TENM2: variants seen among roughly 807,000 people sequenced by gnomAD.
The protein encoded by TENM2 is teneurin-2.
Under a neutral mutation model 245.2 loss-of-function variants are expected in TENM2, and 52 were observed. The observed-to-expected ratio is 0.21, with a 90% confidence interval of 0.17 to 0.27. The LOEUF is 0.27. Among genes scored for constraint, TENM2 ranks in the 10% least tolerant of loss-of-function variants. The probability of loss-of-function intolerance (pLI) is 1.00; values close to 1 mark genes in which losing one functional copy is unlikely to be tolerated. For missense variants in TENM2, 3,046 were observed against 3,666.8 expected (o/e 0.83, Z 4.37); for synonymous variants, 1,363 against 1,438.9 (o/e 0.95, Z 1.19).
intron 5 of TENM2, among the ~76,000 whole-genome samples, chr5:168,012,357 G>T (rs1469411306): frequency 6.6e-6 from 1 of 152,122 alleles, no homozygotes; most frequent in African/African-American, 2.4e-5. Flanking sequence ...AAAACTGAAG[G>T]TGAGGCCAGG....
At chr5:167,078,166 G>A in the TENM2 span, among the ~76,000 whole-genome samples, 10 of 152,016 alleles carry the variant, frequency 6.6e-5, no homozygotes, top group African/African-American at 2.4e-4. Context: ...CCATACTCAG[G>A]TCAATAGAAC....
At chr5:167,655,509 G>C (rs1008969459) in intron 2 of TENM2, among the ~76,000 whole-genome samples, 3 of 152,230 alleles carry the variant, frequency 2.0e-5, no homozygotes, top group East Asian at 1.9e-4. Flanking sequence ...AATCTGAAAG[G>C]CTTCAACTGT....
chr5:167,361,132 T>C (rs1389436806), intron 1 of TENM2, among the ~76,000 whole-genome samples: 1 of 152,168 alleles, frequency 6.6e-6, no homozygotes, highest in Non-Finnish European at 1.5e-5. Context: ...CATTATGATA[T>C]CACAAATAAT....
intron 3 of TENM2, among the ~76,000 whole-genome samples, chr5:167,928,188 C>T (rs1176295498): frequency 6.6e-6 from 1 of 152,130 alleles, no homozygotes; most frequent in Non-Finnish European, 1.5e-5. Flanking sequence ...CATTTCTTGT[C>T]TCTCCTATTG....
intron 8 of TENM2, among the ~76,000 whole-genome samples, chr5:168,097,540 T>C (rs548983071): frequency 6.6e-6 from 1 of 152,286 alleles, no homozygotes; most frequent in Non-Finnish European, 1.5e-5. Flanking sequence ...TTTTCCTGCC[T>C]CAGCCTCCCA....
At chr5:168,093,731 G>A (rs183900262) in intron 8 of TENM2, among the ~76,000 whole-genome samples, 113 of 152,248 alleles carry the variant, frequency 7.4e-4, no homozygotes, top group African/African-American at 2.3e-3. Flanking sequence ...TCTCACATCT[G>A]GAGGCCACTT....
chr5:167,963,135 C>T (rs915216976), intron 4 of TENM2, among the ~76,000 whole-genome samples: 3 of 152,114 alleles, frequency 2.0e-5, no homozygotes, highest in South Asian at 2.1e-4. Flanking sequence ...ATTTACTATC[C>T]GAGAAAGATC....
intron 1 of TENM2, among the ~76,000 whole-genome samples, chr5:167,353,458 G>T (rs553234985): frequency 6.7e-6 from 1 of 150,024 alleles, no homozygotes; most frequent in South Asian, 2.1e-4. Flanking sequence ...GTGACCACAT[G>T]ATGGCAGTGA....
At chr5:167,454,019 A>G (rs1488370732) in intron 2 of TENM2, among the ~76,000 whole-genome samples, 1 of 152,138 alleles carries the variant, frequency 6.6e-6, no homozygotes, top group Non-Finnish European at 1.5e-5. Flanking sequence ...CCCCCAGATT[A>G]TAGTTTATCA....
chr5:167,746,710 A>AGAGAGAGAGAGCGCGAGC (rs761614775), intron 2 of TENM2, among the ~76,000 whole-genome samples: 1 of 144,862 alleles, frequency 6.9e-6, no homozygotes, highest in Non-Finnish European at 1.5e-5. Context: ...AGAGAGAGAG[A>AGAGAGAGAGAGCGCGAGC]GAGAGCTGGA....
At chr5:167,693,836 T>C (rs1757588635) in intron 2 of TENM2, among the ~76,000 whole-genome samples, 1 of 152,184 alleles carries the variant, frequency 6.6e-6, no homozygotes, top group African/African-American at 2.4e-5. Context: ...CAAGATGTTG[T>C]AGTGCCACCA....
intron 2 of TENM2, among the ~76,000 whole-genome samples, chr5:167,441,721 A>G (rs1210962500): frequency 6.6e-6 from 1 of 152,196 alleles, no homozygotes; most frequent in Non-Finnish European, 1.5e-5. Flanking sequence ...TTTCATACGT[A>G]TGTTGATGAA....
rs10682735 is a variant in TENM2 at position 167,583,473 on chromosome 5, T to TACACACACACACACAC, written c.502+208023_502+208038dup. The stretch of plus-strand genomic sequence containing the variant: ...TGTGAAAAGGCATTATGAGTATATG[T>TACACACACACACACAC]ACACACACACACACACACACACACA... On this transcript the variant is annotated intron_variant, in intron 2 of 28. Coordinates refer to ENST00000518659, the Ensembl canonical transcript of TENM2. Among the ~76,000 whole-genome samples, 422 of 137,554 alleles carry TACACACACACACACAC rather than the reference T, an allele frequency of 3.1e-3. 4 individuals carry two copies. The highest frequency in any genetic ancestry group is 7.9e-3 in the East Asian group (36 of 4,560). 90.2% of individuals were successfully genotyped at this position (137,554 alleles called of 152,430 possible).
intron 2 of TENM2, among the ~76,000 whole-genome samples, chr5:167,511,137 AT>A (rs1769927765): frequency 6.6e-6 from 1 of 152,204 alleles, no homozygotes; most frequent in Non-Finnish European, 1.5e-5. Flanking sequence ...AAATTCAAAG[AT>A]AAATAAGAAT....
intron 1 of TENM2, among the ~76,000 whole-genome samples, chr5:167,317,171 C>T (rs1461932719): frequency 1.3e-5 from 2 of 152,306 alleles, no homozygotes; most frequent in East Asian, 1.9e-4. Flanking sequence ...TCTGCTTCCT[C>T]TCAGCAGTCA....
intron 3 of TENM2, among the ~76,000 whole-genome samples, chr5:167,886,698 TAA>T (rs1487173645): frequency 6.6e-6 from 1 of 152,218 alleles, no homozygotes; most frequent in Non-Finnish European, 1.5e-5. Context: ...TAGAACGATT[TAA>T]TTCTTTAAAC....
intron 2 of TENM2, among the ~76,000 whole-genome samples, chr5:167,459,903 TA>T (rs1350393097): frequency 1.4e-5 from 2 of 138,740 alleles, no homozygotes; most frequent in African/African-American, 2.7e-5. Flanking sequence ...TCCTTGTATA[TA>T]AAGATAAACA....
chr5:167,121,827 A>G, the TENM2 span, among the ~76,000 whole-genome samples: 1 of 152,238 alleles, frequency 6.6e-6, no homozygotes, highest in Non-Finnish European at 1.5e-5. Flanking sequence ...ACCTGGAATA[A>G]GTGTGTTTCC....
chr5:167,952,567 C>A, intron 3 of TENM2, 21 bp from the exon 6 acceptor site: 1 of 1,581,212 alleles, frequency 6.3e-7, no homozygotes, highest in Non-Finnish European at 8.6e-7. Flanking sequence ...CGCTAACAGT[C>A]ATTTCTCCTT....
Sources: allele counts gnomAD v4.1 joint callset (sites outside exome capture counted in the v4.1 genomes callset), GRCh38; gene constraint gnomAD v4.1.1; transcripts MANE v1.5; gene names NCBI Gene and HGNC (gene_info 2026-07-23, HGNC 2026-07-21).